The following PRICKLE2 variants were observed in gnomAD, a reference collection of about 807,000 sequenced individuals.
The protein encoded by PRICKLE2 is prickle planar cell polarity protein 2.
Under a neutral mutation model 81.4 loss-of-function variants are expected in PRICKLE2, and 21 were observed. The ratio of observed to expected loss-of-function variants is 0.26; its 90% CI spans 0.18 to 0.37. The LOEUF (loss-of-function observed/expected upper bound fraction) is 0.37. PRICKLE2 is among the 10% of genes least tolerant of loss of function. PRICKLE2 has a pLI of 1.00. For synonymous variants in PRICKLE2, 456 were observed against 421.5 expected (o/e 1.08, Z -1.00); for missense variants, 940 against 1,109.0 (o/e 0.85, Z 2.16).
intron 2 of PRICKLE2, among the ~76,000 whole-genome samples, chr3:64,242,032 T>C (rs151067588): frequency 3.3e-5 from 5 of 152,268 alleles, no homozygotes; most frequent in African/African-American, 1.2e-4. Flanking sequence ...TTCGCTCAGA[T>C]TAGCTGAAGG....
chr3:64,118,321 C>A (rs1025358868), intron 7 of PRICKLE2, among the ~76,000 whole-genome samples: 1 of 152,018 alleles, frequency 6.6e-6, no homozygotes, highest in Non-Finnish European at 1.5e-5. Context: ...AAAGCAATTG[C>A]GACAAAAGCA....
chr3:64,162,757 TC>T (rs2077755086), intron 3 of PRICKLE2, among the ~76,000 whole-genome samples: 1 of 152,206 alleles, frequency 6.6e-6, no homozygotes, highest in African/African-American at 2.4e-5. Context: ...ATTTTAGTGC[TC>T]CCTGGCTACC....
intron 7 of PRICKLE2, chr3:64,141,769 A>C: frequency 3.0e-6 from 3 of 983,700 alleles, no homozygotes; most frequent in Non-Finnish European, 3.6e-6. Flanking sequence ...TTCTGAGGAA[A>C]AATGCTGCCC....
intron 2 of PRICKLE2, among the ~76,000 whole-genome samples, chr3:64,181,119 GGGCAA>G (rs1452782773): frequency 6.6e-6 from 1 of 152,148 alleles, no homozygotes; most frequent in Admixed American, 6.5e-5. Context: ...ACTGATAATT[GGGCAA>G]GTTATAGCTT....
chr3:64,113,896 C>A (rs2076892129), intron 7 of PRICKLE2, among the ~76,000 whole-genome samples: 1 of 152,184 alleles, frequency 6.6e-6, no homozygotes, highest in Admixed American at 6.5e-5. Context: ...AGCAGGGGCC[C>A]CCCACTCCAC....
At chr3:64,214,896 C>T (rs1430566630) in intron 1 of PRICKLE2, among the ~76,000 whole-genome samples, 4 of 152,022 alleles carry the variant, frequency 2.6e-5, no homozygotes, top group South Asian at 2.1e-4. Flanking sequence ...CCTTGGTGCA[C>T]GGGATGAGTC....
intron 2 of PRICKLE2, among the ~76,000 whole-genome samples, chr3:64,198,263 A>T (rs982801364): frequency 3.7e-4 from 53 of 141,682 alleles, no homozygotes; most frequent in Middle Eastern, 3.7e-3. Flanking sequence ...AATAAAACAA[A>T]AAAAATTTCA....
chr3:64,187,542 C>G (rs1286724151), intron 2 of PRICKLE2: 1 of 152,186 alleles, frequency 6.6e-6, no homozygotes, highest in Non-Finnish European at 1.5e-5. Flanking sequence ...CCATGAAATT[C>G]CATTTTGATC....
rs150039860 is a variant in PRICKLE2 at position 64,176,619 on chromosome 3, C to T, written c.145-13490G>A. ...AGACTGGAGCTTACTGATCACAGGACATTGTTGGAAACACATTTTAGAATA... is the reference window on the plus strand; with the variant it reads ...AGACTGGAGCTTACTGATCACAGGATATTGTTGGAAACACATTTTAGAATA... On this transcript the variant is annotated intron_variant, in intron 2 of 7. Transcript: ENST00000638394. 2.7e-3 allele frequency among the ~76,000 whole-genome samples: 408 copies of T among 152,270 alleles called. 1 individual carries two copies. The highest frequency in any genetic ancestry group is 6.7e-3 in the African/African-American group (277 of 41,542).
At chr3:64,130,268 AC>A (rs10712849) in intron 7 of PRICKLE2, among the ~76,000 whole-genome samples, 73,245 of 151,880 alleles carry the variant, frequency 0.48, 18,255 homozygotes, top group East Asian at 0.83. Flanking sequence ...TATGGCAAAT[AC>A]TTTTGAGTGT....
chr3:64,190,272 T>C (rs532014513), intron 2 of PRICKLE2: 5 of 152,238 alleles, frequency 3.3e-5, no homozygotes, highest in Non-Finnish European at 7.3e-5. Flanking sequence ...TTTTTTTGTT[T>C]TGTTTTGTTT....
chr3:64,139,678 C>T (rs2077330583), intron 7 of PRICKLE2, among the ~76,000 whole-genome samples: 1 of 152,192 alleles, frequency 6.6e-6, no homozygotes, highest in Admixed American at 6.5e-5. Flanking sequence ...ATTAGAAAGG[C>T]CTACACCATT....
intron 2 of PRICKLE2, among the ~76,000 whole-genome samples, chr3:64,184,201 A>G (rs1488729612): frequency 6.6e-6 from 1 of 152,202 alleles, no homozygotes; most frequent in Non-Finnish European, 1.5e-5. Flanking sequence ...AAAGATATAC[A>G]TTTCTTGAAA....
At chr3:64,184,790 C>A (rs892810738) in intron 2 of PRICKLE2, among the ~76,000 whole-genome samples, 1 of 152,306 alleles carries the variant, frequency 6.6e-6, no homozygotes, top group Non-Finnish European at 1.5e-5. Flanking sequence ...GCCAGAAGAG[C>A]TGTTTCTCAT....
chr3:64,251,231 T>G (rs2079442941), intron 2 of PRICKLE2, among the ~76,000 whole-genome samples: 1 of 152,218 alleles, frequency 6.6e-6, no homozygotes, highest in African/African-American at 2.4e-5. Flanking sequence ...ATTTGAAACA[T>G]TTAAAGATGA....
chr3:64,253,513 T>C (rs1235583078), intron 2 of PRICKLE2, among the ~76,000 whole-genome samples: 2 of 152,296 alleles, frequency 1.3e-5, no homozygotes, highest in East Asian at 1.9e-4. Flanking sequence ...AAGATTGGCC[T>C]AAAAATAACA....
chr3:64,238,254 A>C (rs981868307), intron 2 of PRICKLE2, among the ~76,000 whole-genome samples: 3 of 152,190 alleles, frequency 2.0e-5, no homozygotes, highest in African/African-American at 7.2e-5. Flanking sequence ...TGGGAGGCCA[A>C]GGCAGGCAGG....
intron 1 of PRICKLE2, among the ~76,000 whole-genome samples, chr3:64,220,637 G>A (rs545326820): frequency 1.3e-5 from 2 of 152,258 alleles, no homozygotes; most frequent in African/African-American, 2.4e-5. Context: ...GCTTCCTCCT[G>A]TAGGTTCACT....
chr3:64,133,066 A>G (rs530504074), intron 7 of PRICKLE2, among the ~76,000 whole-genome samples: 1 of 152,282 alleles, frequency 6.6e-6, no homozygotes, highest in South Asian at 2.1e-4. Flanking sequence ...AGCTGGAATA[A>G]AAGATGTCCT....
Sources: allele counts gnomAD v4.1 joint callset (sites outside exome capture counted in the v4.1 genomes callset), GRCh38; gene constraint gnomAD v4.1.1; transcripts MANE v1.5; gene names NCBI Gene and HGNC (gene_info 2026-07-23, HGNC 2026-07-21).